The following TP53BP1 variants were observed in gnomAD, a reference collection of about 807,000 sequenced individuals.
The protein encoded by TP53BP1 is tumor protein p53 binding protein 1, also known as TP53-binding protein 1.
A neutral mutation model predicts 200.8 loss-of-function variants in TP53BP1; 61 were observed. That is an observed-to-expected ratio of 0.30 (90% confidence interval 0.25 to 0.38). The LOEUF is 0.38. Among genes scored for constraint, TP53BP1 ranks in the 10% least tolerant of loss-of-function variants. The probability of loss-of-function intolerance (pLI) is 1.00; values close to 1 mark genes in which losing one functional copy is unlikely to be tolerated. For synonymous variants in TP53BP1, 822 were observed against 844.3 expected, an observed-to-expected ratio of 0.97 and a Z score of 0.46; for missense variants, 2,144 against 2,371.9, an observed-to-expected ratio of 0.90 and a Z score of 2.00.
chr15:43,460,614 T>C (rs886882255), intron 11 of TP53BP1, among the ~76,000 whole-genome samples: 4 of 152,204 alleles, frequency 2.6e-5, no homozygotes, highest in African/African-American at 9.7e-5. Flanking sequence ...TAAAGCATTC[T>C]GTATATTCCA....
intron 20 of TP53BP1, 76 bp downstream of exon 20, chr15:43,420,949 A>C: frequency 1.3e-6 from 2 of 1,532,156 alleles, no homozygotes; most frequent in Non-Finnish European, 1.8e-6. Flanking sequence ...ACACCCCACA[A>C]ACTCTCTACT....
In TP53BP1 at chr15:43,422,105, C is replaced by G; in HGVS notation, c.3850G>C (p.Glu1284Gln). 1 of 1,613,978 alleles carries G rather than the reference C, an allele frequency of 6.2e-7. No homozygotes were observed. Among genetic ancestry groups the G allele is most frequent in the Non-Finnish European group, 8.5e-7 (1 of 1,179,970 alleles). ...VTEETEEPIV[E>Q]CQECETEVSP... is the part of the protein sequence containing the mutation. ...ACTTCAGTTTCACACTCCTGACACT[C>G]TACAATTGGCTCTTCAGTCTCCTGC... Residue 1284 changes from glutamate (E) to glutamine (Q), a missense_variant, in exon 19 of 28, where the codon GAG becomes CAG. By Grantham distance (29) the Glu-to-Gln change is conservative. Coordinates refer to ENST00000382044, the MANE Select transcript of TP53BP1 (RefSeq NM_001141980.3).
At chr15:43,454,447 T>TC (rs2046246672) in intron 12 of TP53BP1, among the ~76,000 whole-genome samples, 1 of 151,580 alleles carries the variant, frequency 6.6e-6, no homozygotes, top group African/African-American at 2.4e-5. Flanking sequence ...CATCGCAACC[T>TC]CCATCTCCCG....
In TP53BP1 at chr15:43,420,513, A is replaced by G; in HGVS notation, c.4473T>C (p.Phe1491=). The G allele has an allele frequency of 6.2e-7, 1 of 1,614,202 alleles. No homozygotes were observed. The highest frequency in any genetic ancestry group is 1.3e-5 in the African/African-American group (1 of 75,048). Residue 1491 remains phenylalanine, a synonymous_variant, in exon 21 of 28, where the codon TTT becomes TTC. Coordinates refer to ENST00000382044, the MANE Select transcript of TP53BP1 (RefSeq NM_001141980.3). ...ACTTGGCTACAACACGGAGCCCTAC[A>G]AAGCTATTTCCTGGAGAGGAGGCAT... ...GLDASSPGNS[F]VGLRVVAKWS...
chr15:43,488,119 C>CA (rs1187245726), intron 4 of TP53BP1, among the ~76,000 whole-genome samples: 1 of 151,878 alleles, frequency 6.6e-6, no homozygotes, highest in Non-Finnish European at 1.5e-5. Flanking sequence ...GCCAATACAG[C>CA]AAAACCCCAT....
chr15:43,477,552 A>G (rs375889073), intron 8 of TP53BP1, 41 bp downstream of exon 8: 1 of 1,546,054 alleles, frequency 6.5e-7, no homozygotes, highest in Non-Finnish European at 8.7e-7. Flanking sequence ...AAAAGTTTAG[A>G]TCTTTGGAGA....
chr15:43,441,242 G>A (rs565133140), intron 15 of TP53BP1: 1 of 282,352 alleles, frequency 3.5e-6, no homozygotes, highest in Non-Finnish European at 6.6e-6. Context: ...AGATTGTGGA[G>A]ACTCTTGTAT....
chr15:43,484,621 C>T (rs1158994816), intron 4 of TP53BP1, among the ~76,000 whole-genome samples: 1 of 152,240 alleles, frequency 6.6e-6, no homozygotes, highest in Admixed American at 6.5e-5. Flanking sequence ...CACTCCACTA[C>T]AGCCACACTA....
chr15:43,428,081 C>G lies in TP53BP1; in HGVS notation c.3763G>C (p.Val1255Leu). 6.2e-7 allele frequency: 1 copy of G among 1,613,124 alleles called. No individual in the cohort carries two copies. Among genetic ancestry groups the G allele is most frequent in the Non-Finnish European group, 8.5e-7 (1 of 1,179,216 alleles). The change falls in exon 18 of 28, where the codon GTC becomes CTC. Residue 1255 changes from valine to leucine, a missense_variant. By Grantham distance (32) the Val-to-Leu change is conservative (BLOSUM62 1). Transcript: ENST00000382044. ...TACACATCTGTAATGACACGAGTGA[C>G]AAGTGTGCGTACTTCCCGGATTGTT... Reference protein sequence around the residue: ...MRTIREVRTLVTRVITDVYYV... With the variant: ...MRTIREVRTLLTRVITDVYYV...
chr15:43,481,022 A>C lies in TP53BP1; in HGVS notation c.372T>G (p.Ser124Arg). 5 of 1,614,008 alleles carry C rather than the reference A, an allele frequency of 3.1e-6. No individual in the cohort carries two copies. Among genetic ancestry groups the C allele is most frequent in the Non-Finnish European group, 4.2e-6 (5 of 1,179,996 alleles). ...CAGATTCCACTGACATTCCCAGAACACTACACAGCAGAAGGATATAATCAT... is the reference window on the plus strand; with the variant it reads ...CAGATTCCACTGACATTCCCAGAACCCTACACAGCAGAAGGATATAATCAT... ...EQLPQPNRTS[S>R]VLGMSVESAP... The change falls in exon 5 of 28, where the codon AGT becomes AGG. Residue 124 changes from serine to arginine, a missense_variant and splice_region_variant. Around this residue, in one of 4 missense-constraint regions of TP53BP1, gnomAD observed 1,700 missense variants for 1,710.3 expected, o/e 0.99. Coordinates refer to ENST00000382044, the MANE Select transcript of TP53BP1 (RefSeq NM_001141980.3).
At chr15:43,429,042 C>A (rs1421890146) in intron 17 of TP53BP1, among the ~76,000 whole-genome samples, 1 of 152,168 alleles carries the variant, frequency 6.6e-6, no homozygotes, top group African/African-American at 2.4e-5. Flanking sequence ...AAAAATACAA[C>A]AAACTAATAA....
intron 10 of TP53BP1, among the ~76,000 whole-genome samples, chr15:43,470,873 T>C (rs2046708484): frequency 6.6e-6 from 1 of 152,228 alleles, no homozygotes; most frequent in South Asian, 2.1e-4. Context: ...TAATTCACAT[T>C]CATGCTACCA....
rs1252559519 is a variant in TP53BP1 at position 43,406,632 on chromosome 15, A to G, written c.*751T>C. On this transcript the variant is annotated 3_prime_UTR_variant, in exon 28 of 28. Transcript: ENST00000382044. ...ACCTTGTTGACCCCTGCTTTAGAGAATGAGAAGCCATGCAGGGATCAGTGA... is the reference window on the plus strand; with the variant it reads ...ACCTTGTTGACCCCTGCTTTAGAGAGTGAGAAGCCATGCAGGGATCAGTGA... 1 of 456,046 alleles carries G rather than the reference A, an allele frequency of 2.2e-6. No homozygotes were observed. The highest frequency in any genetic ancestry group is 2.0e-5 in the African/African-American group (1 of 50,190). The allele number at this position is 456,046 out of a possible 1,614,324, so 28.2% of individuals were successfully genotyped here.
At chr15:43,428,835 C>G (rs1250377753) in intron 17 of TP53BP1, among the ~76,000 whole-genome samples, 1 of 151,790 alleles carries the variant, frequency 6.6e-6, no homozygotes, top group Non-Finnish European at 1.5e-5. Flanking sequence ...TAAATAAGAC[C>G]CTACTTTTTA....
In TP53BP1 at chr15:43,404,036, A is replaced by T. The variant is rs2044771113; in HGVS notation, c.*3347T>A. 1.8e-6 allele frequency: 1 copy of T among 550,120 alleles called. No homozygotes were observed. The highest frequency in any genetic ancestry group is 1.9e-5 in the African/African-American group (1 of 53,154). 34.1% of individuals were successfully genotyped at this position (550,120 alleles called of 1,614,324 possible). On this transcript the variant is annotated 3_prime_UTR_variant, in exon 28 of 28. Transcript: ENST00000382044. ...GAATAGTTTATTCAGCCCATCAAAT[A>T]AGCATTGGGTTGTTCTAACTTCCTC...
chr15:43,455,254 C>T (rs1006556503), intron 12 of TP53BP1, among the ~76,000 whole-genome samples: 6 of 151,894 alleles, frequency 4.0e-5, no homozygotes, highest in Non-Finnish European at 7.4e-5. Flanking sequence ...AAAAAAGATC[C>T]TTCTACTTCA....
rs752606982 is a variant in TP53BP1 at position 43,456,402 on chromosome 15, A to G, written c.2206T>C (p.Leu736=). The change falls in exon 12 of 28, where the codon TTG becomes CTG. Residue 736 remains leucine, a synonymous_variant. Transcript: ENST00000382044. ...TCCAATTCTTGGTCAAGTATTGCCA[A>G]CTTTTGAGGGGAATCAATACTAATC... is the stretch of plus-strand genomic sequence containing the variant. The part of the protein sequence containing the change: ...SVISIDSPQK[L]AILDQELEHK... 26 of 1,598,612 alleles carry G rather than the reference A, an allele frequency of 1.6e-5. No individual in the cohort carries two copies. Among genetic ancestry groups the G allele is most frequent in the Middle Eastern group, 3.3e-4 (2 of 5,982 alleles).
intron 12 of TP53BP1, among the ~76,000 whole-genome samples, chr15:43,455,505 G>C (rs1264288091): frequency 6.6e-6 from 1 of 152,104 alleles, no homozygotes; most frequent in Non-Finnish European, 1.5e-5. Context: ...TAGATCACTT[G>C]AGTCAGGAGT....
At chr15:43,421,230 C>T (rs553630129) in intron 19 of TP53BP1, 56 bp from the exon 20 acceptor site, 7 of 1,583,180 alleles carry the variant, frequency 4.4e-6, no homozygotes, top group Middle Eastern at 1.7e-4. Context: ...CTTTTCTTCA[C>T]AAAGTCTCCC....
Sources: gnomAD v4.1 joint callset for allele counts (sites outside exome capture counted in the v4.1 genomes callset) on GRCh38, gnomAD v4.1.1 for gene constraint, gnomAD v4.1.1 regional missense constraint, MANE v1.5 for transcripts, NCBI Gene and HGNC (gene_info 2026-07-23, HGNC 2026-07-21) for gene names.